Variants in VPS37A observed in about 807,000 individuals in gnomAD.
The protein encoded by VPS37A is VPS37A subunit of ESCRT-I.
A neutral mutation model predicts 49.8 loss-of-function variants in VPS37A; 30 were observed. The ratio of observed to expected loss-of-function variants is 0.60; its 90% confidence interval spans 0.45 to 0.82. VPS37A has a LOEUF of 0.82. Among genes scored for constraint, VPS37A ranks in the 40% least tolerant of loss-of-function variants. The probability of loss-of-function intolerance (pLI) is 0.00; values close to 1 mark genes in which losing one functional copy is unlikely to be tolerated. For synonymous variants in VPS37A, 195 were observed against 160.6 expected (o/e 1.21, Z -1.62); for missense variants, 593 against 464.4 (o/e 1.28, Z -2.55).
At chr8:17,257,727 A>G (rs1812602307) in intron 1 of VPS37A, among the ~76,000 whole-genome samples, 2 of 152,218 alleles carry the variant, frequency 1.3e-5, no homozygotes, top group Non-Finnish European at 2.9e-5. Context: ...TGCTTTGGGT[A>G]GTATTGTCAT....
At chr8:17,300,184 T>G, downstream of VPS37A, 3 of 1,613,426 alleles carry the variant, frequency 1.9e-6, no homozygotes, top group Non-Finnish European at 2.5e-6. Context: ...ACTCTTCACC[T>G]TAGTGCAATT....
intron 3 of VPS37A, 101 bp downstream of exon 3, chr8:17,268,473 T>C: frequency 1.2e-6 from 1 of 869,538 alleles, no homozygotes. Flanking sequence ...TTTCATTTTG[T>C]CATGAGTACT....
intron 1 of VPS37A, among the ~76,000 whole-genome samples, chr8:17,259,587 A>C (rs902645467): frequency 6.6e-6 from 1 of 152,114 alleles, no homozygotes; most frequent in Non-Finnish European, 1.5e-5. Context: ...AATTAGGCCT[A>C]TTAGGTCCAA....
the VPS37A span, among the ~76,000 whole-genome samples, chr8:17,311,087 A>G: frequency 6.6e-6 from 1 of 152,202 alleles, no homozygotes; most frequent in Non-Finnish European, 1.5e-5. Context: ...CTGGAAGTGA[A>G]AACAGTTTTT....
chr8:17,312,714 C>G, the VPS37A span, among the ~76,000 whole-genome samples: 1 of 151,752 alleles, frequency 6.6e-6, no homozygotes, highest in Non-Finnish European at 1.5e-5. Flanking sequence ...ATAAAGATTT[C>G]TTGAATAAAT....
intron 11 of VPS37A, among the ~76,000 whole-genome samples, chr8:17,287,460 G>C (rs996258721): frequency 1.3e-5 from 2 of 152,048 alleles, no homozygotes; most frequent in Non-Finnish European, 2.9e-5. Context: ...GGATCACATG[G>C]TCAAGAGATC....
chr8:17,306,066 A>G (rs1213054765), downstream of VPS37A: 8 of 858,974 alleles, frequency 9.3e-6, no homozygotes, highest in Non-Finnish European at 1.4e-5. Flanking sequence ...AATAAATCTT[A>G]TCTTACAAAC....
rs147524257 is a variant in VPS37A at position 17,254,686 on chromosome 8, G to A, written c.125+7317G>A. 3.6e-3 allele frequency among the ~76,000 whole-genome samples: 542 copies of A among 151,138 alleles called. 3 individuals are homozygous for A. The highest frequency in any genetic ancestry group is 0.013 in the African/African-American group (519 of 41,104). ...TACATGTAATCCTTTCTGTTTGTCA[G>A]TTTGCTCAAAATTTATCTGTATATG... On this transcript the variant is annotated intron_variant, in intron 1 of 11. Coordinates refer to ENST00000324849, the MANE Select transcript of VPS37A (RefSeq NM_152415.3).
At chr8:17,308,851 C>G in the VPS37A span, among the ~76,000 whole-genome samples, 1 of 152,186 alleles carries the variant, frequency 6.6e-6, no homozygotes, top group Non-Finnish European at 1.5e-5. Flanking sequence ...CCAGAGACAT[C>G]TGGGACAAAC....
At chr8:17,249,053 A>G (rs1018249306) in intron 1 of VPS37A, among the ~76,000 whole-genome samples, 1 of 152,354 alleles carries the variant, frequency 6.6e-6, no homozygotes, top group East Asian at 1.9e-4. Flanking sequence ...TTGCAGAAAC[A>G]CTTTTTTAGA....
chr8:17,289,829 C>G (rs1815972666), intron 11 of VPS37A, among the ~76,000 whole-genome samples: 2 of 152,286 alleles, frequency 1.3e-5, no homozygotes. Flanking sequence ...TTCTTTCTAT[C>G]CATGAGCATG....
the VPS37A span, among the ~76,000 whole-genome samples, chr8:17,313,561 G>A: frequency 6.6e-6 from 1 of 152,162 alleles, no homozygotes; most frequent in Non-Finnish European, 1.5e-5. Context: ...TACTAAACTT[G>A]ATTCTATGGA....
chr8:17,254,027 A>G (rs1479892142), intron 1 of VPS37A, among the ~76,000 whole-genome samples: 1 of 152,114 alleles, frequency 6.6e-6, no homozygotes, highest in Non-Finnish European at 1.5e-5. Context: ...TTGTTCTGAT[A>G]TTACATAAAT....
chr8:17,278,390 C>A (rs1363337772), intron 6 of VPS37A, among the ~76,000 whole-genome samples: 1 of 152,094 alleles, frequency 6.6e-6, no homozygotes, highest in Non-Finnish European at 1.5e-5. Context: ...TAATCAACTA[C>A]ATATTTAGTT....
intron 11 of VPS37A, among the ~76,000 whole-genome samples, chr8:17,290,558 T>A (rs1422499244): frequency 6.6e-6 from 1 of 152,246 alleles, no homozygotes; most frequent in Non-Finnish European, 1.5e-5. Context: ...AGCTTTTTAA[T>A]GCGCTGCTGG....
At chr8:17,321,029 A>G in the VPS37A span, among the ~76,000 whole-genome samples, 1 of 152,048 alleles carries the variant, frequency 6.6e-6, no homozygotes, top group Non-Finnish European at 1.5e-5. Context: ...CAAACTTTCC[A>G]GTTGTTATTA....
chr8:17,329,233 G>T, the VPS37A span, among the ~76,000 whole-genome samples: 1 of 152,194 alleles, frequency 6.6e-6, no homozygotes, highest in African/African-American at 2.4e-5. Flanking sequence ...AGCCTTAGAA[G>T]GTGGGTCTGA....
intron 1 of VPS37A, among the ~76,000 whole-genome samples, chr8:17,261,313 T>G (rs980805474): frequency 6.6e-6 from 1 of 152,234 alleles, no homozygotes; most frequent in African/African-American, 2.4e-5. Context: ...ACATTTCTGT[T>G]TAATTGTTTA....
At chr8:17,330,367 G>A in the VPS37A span, among the ~76,000 whole-genome samples, 1 of 152,242 alleles carries the variant, frequency 6.6e-6, no homozygotes, top group Non-Finnish European at 1.5e-5. Context: ...GGACAGCCAA[G>A]GCACAAGGCC....
Sources: allele counts gnomAD v4.1 joint callset (sites outside exome capture counted in the v4.1 genomes callset), GRCh38; gene constraint gnomAD v4.1.1; transcripts MANE v1.5; gene names NCBI Gene and HGNC (gene_info 2026-07-23, HGNC 2026-07-21).